Variants in XNDC1N observed in about 807,000 individuals in gnomAD.
XNDC1N encodes the protein protein XNDC1N.
At chr11:71,891,656 G>A in the XNDC1N span, among the ~76,000 whole-genome samples, 6 of 152,006 alleles carry the variant, frequency 3.9e-5, no homozygotes, top group African/African-American at 1.5e-4. Context: ...TATCACAGGG[G>A]TGCTGTACAA....
At chr11:71,907,035 G>A in the XNDC1N span, among the ~76,000 whole-genome samples, 8 of 152,064 alleles carry the variant, frequency 5.3e-5, no homozygotes, top group Admixed American at 5.2e-4. Context: ...CCTCCCCTTA[G>A]GAGATTAAGA....
At chr11:71,915,874 A>G in the XNDC1N span, among the ~76,000 whole-genome samples, 4,893 of 152,294 alleles carry the variant, frequency 0.032, 77 homozygotes, top group East Asian at 0.078. Context: ...ACTCACTTGC[A>G]TATTCCACGT....
chr11:71,926,931 A>G, the XNDC1N span, among the ~76,000 whole-genome samples: 2 of 151,900 alleles, frequency 1.3e-5, no homozygotes, highest in Non-Finnish European at 2.9e-5. Context: ...ATAAAATAAA[A>G]TAAAATAAAA....
the XNDC1N span, chr11:71,923,276 A>G: frequency 1.4e-6 from 1 of 702,504 alleles, no homozygotes; most frequent in East Asian, 2.7e-5. Flanking sequence ...TTCAGTTATT[A>G]AGAAAACAAA....
the XNDC1N span, among the ~76,000 whole-genome samples, chr11:71,893,139 C>T: frequency 0.033 from 4,828 of 146,384 alleles, 73 homozygotes; most frequent in East Asian, 0.081. Flanking sequence ...GAGAAGGACA[C>T]TGTCATTGCA....
At chr11:71,896,273 C>T in the XNDC1N span, among the ~76,000 whole-genome samples, 8 of 152,246 alleles carry the variant, frequency 5.3e-5, no homozygotes, top group East Asian at 1.5e-3. Context: ...AAAGAGACTC[C>T]ATCACACACC....
chr11:71,906,083 T>C, the XNDC1N span, among the ~76,000 whole-genome samples: 7 of 151,862 alleles, frequency 4.6e-5, no homozygotes. Context: ...ACATTAGTAG[T>C]AGTACCCAGC....
the XNDC1N span, among the ~76,000 whole-genome samples, chr11:71,895,592 G>C: frequency 1.3e-5 from 2 of 150,180 alleles, no homozygotes; most frequent in African/African-American, 4.9e-5. Context: ...CCCCCAAACT[G>C]CTGGGATTAC....
the XNDC1N span, among the ~76,000 whole-genome samples, chr11:71,900,806 C>T: frequency 5.9e-4 from 90 of 152,308 alleles, no homozygotes; most frequent in Non-Finnish European, 1.0e-3. Flanking sequence ...TATTAGTGCA[C>T]ATTTCAGGAT....
the XNDC1N span, among the ~76,000 whole-genome samples, chr11:71,908,569 G>C: frequency 6.6e-6 from 1 of 152,116 alleles, no homozygotes; most frequent in Non-Finnish European, 1.5e-5. Flanking sequence ...TACTGGGTTA[G>C]ATGAGGATGG....
At chr11:71,909,716 T>A in the XNDC1N span, among the ~76,000 whole-genome samples, 116,279 of 151,952 alleles carry the variant, frequency 0.77, 45,909 homozygotes, top group Non-Finnish European at 0.88. Flanking sequence ...TCAGCAAAGC[T>A]AGCTTTCTGC....
At chr11:71,904,215 C>T in the XNDC1N span, 1 of 392,008 alleles carries the variant, frequency 2.6e-6, no homozygotes, top group South Asian at 1.9e-5. Flanking sequence ...GGGTGAACAC[C>T]CATTGTGTCA....
chr11:71,920,326 G>C, the XNDC1N span, among the ~76,000 whole-genome samples: 1 of 147,156 alleles, frequency 6.8e-6, no homozygotes, highest in Non-Finnish European at 1.5e-5. Context: ...ATTTTTTTTT[G>C]AGATGGAGTT....
At chr11:71,896,721 G>C in the XNDC1N span, among the ~76,000 whole-genome samples, 107 of 152,306 alleles carry the variant, frequency 7.0e-4, no homozygotes, top group African/African-American at 2.5e-3. Flanking sequence ...GCGCCAGCAC[G>C]CCCAGCTAAT....
At chr11:71,916,314 A>G in the XNDC1N span, 1 of 690,742 alleles carries the variant, frequency 1.4e-6, no homozygotes, top group African/African-American at 1.8e-5. Context: ...GGAGAGACAG[A>G]GGAAGAAAAG....
At chr11:71,892,093 C>T in the XNDC1N span, among the ~76,000 whole-genome samples, 2 of 152,032 alleles carry the variant, frequency 1.3e-5, no homozygotes, top group South Asian at 2.1e-4. Flanking sequence ...TCATCCTCTC[C>T]CCCGCTGGAT....
chr11:71,927,915 C>A, the XNDC1N span: 1 of 152,552 alleles, frequency 6.6e-6, no homozygotes, highest in African/African-American at 2.4e-5. Flanking sequence ...GTAAAGCTGA[C>A]TTTTCTAGAC....
the XNDC1N span, among the ~76,000 whole-genome samples, chr11:71,891,586 T>C: frequency 1.3e-5 from 2 of 152,136 alleles, no homozygotes; most frequent in African/African-American, 4.8e-5. Context: ...ACCGCGGGTA[T>C]ACGTTTCCTA....
At chr11:71,866,964 T>C in the XNDC1N span, among the ~76,000 whole-genome samples, 1 of 152,192 alleles carries the variant, frequency 6.6e-6, no homozygotes, top group African/African-American at 2.4e-5. Context: ...TGGATTTTAC[T>C]ATCACTAGAA....
Sources: gnomAD v4.1 joint callset for allele counts (sites outside exome capture counted in the v4.1 genomes callset) on GRCh38, gnomAD v4.1.1 for gene constraint, MANE v1.5 for transcripts, NCBI Gene and HGNC (gene_info 2026-07-23, HGNC 2026-07-21) for gene names.